The following DPYSL4 variants were observed in gnomAD, a reference collection of about 807,000 sequenced individuals.
The protein encoded by DPYSL4 is dihydropyrimidinase like 4.
In DPYSL4, 43 loss-of-function variants were observed where a neutral mutation model predicts 63.4. The ratio of observed to expected loss-of-function variants is 0.68; its 90% CI spans 0.53 to 0.88. The LOEUF (loss-of-function observed/expected upper bound fraction) is 0.88, where lower values mean the gene tolerates loss of function less well. Ranked by LOEUF, DPYSL4 falls within the 40% of genes least tolerant of loss-of-function variation. DPYSL4 has a pLI of 0.00. For missense variants in DPYSL4, 733 were observed against 819.5 expected (o/e 0.89, Z 1.29); for synonymous variants, 353 against 331.7 (o/e 1.06, Z -0.70).
At chr10:132,201,406 A>G (rs997392094) in intron 10 of DPYSL4, among the ~76,000 whole-genome samples, 1 of 152,062 alleles carries the variant, frequency 6.6e-6, no homozygotes, top group Non-Finnish European at 1.5e-5. Flanking sequence ...CTGCCTTCCC[A>G]GCCTCCAGGG....
At position 132,186,994 on chromosome 10, in the gene DPYSL4, TCCCCCCGCCCGCCCGC is replaced by T. The variant is rs377006117; in HGVS notation, c.-67_-52del. On this transcript the variant is annotated 5_prime_UTR_variant, in exon 1 of 14. Transcript: ENST00000338492. Reference sequence around the variant, plus strand: ...CCACGCACGCGTCCCGGCTCACGCGTCCCCCCGCCCGCCCGCCCGCCCGCCCGCCCCCGCTTGTGCC... The same window carrying T: ...CCACGCACGCGTCCCGGCTCACGCGTCCGCCCGCCCGCCCCCGCTTGTGCC... 0.13 allele frequency: 28,503 copies of T among 218,870 alleles called. 4,864 individuals are homozygous for T. The highest frequency in any genetic ancestry group is 0.6 in the East Asian group (9,118 of 15,290). The allele number at this position is 218,870 out of a possible 1,614,324, so 13.6% of individuals were successfully genotyped here.
Position 132,203,560 on chromosome 10 carries a change from C to T in DPYSL4, c.1462-202C>T. The T allele has an allele frequency of 1.0e-5, 6 of 587,050 alleles. No individual in the cohort carries two copies. In the Admixed American group the frequency reaches 1.2e-4, roughly 12 times the overall value. The allele number at this position is 587,050 out of a possible 1,614,324, so 36.4% of individuals were successfully genotyped here. A position where few individuals can be genotyped will look rare whatever the true frequency, so the allele number is the denominator to read the frequency against. Reference sequence around the variant, plus strand: ...GGGCATTATACACGTATGGGGAGGACTGCAAGGAGGGAGGCGTGTGTGAAC... The same window carrying T: ...GGGCATTATACACGTATGGGGAGGATTGCAAGGAGGGAGGCGTGTGTGAAC... On this transcript the variant is annotated intron_variant, in intron 12 of 13. Coordinates refer to ENST00000338492, the MANE Select transcript of DPYSL4 (RefSeq NM_006426.3).
rs183566784 is a variant in DPYSL4, at chr10:132,195,527, T to C, written c.478+518T>C. ...TCCTAATCTGAGTCCGGCCCACAGC[T>C]TCCAGCCTGGAGGTGGGGGCGGGAT... On this transcript the variant is annotated intron_variant, in intron 4 of 13. Transcript: ENST00000338492. Among the ~76,000 whole-genome samples the C allele has an allele frequency of 2.6e-5, 4 of 152,308 alleles. No individual in the cohort carries two copies. The East Asian group carries it at 7.7e-4, about 29-fold the overall frequency.
Position 132,197,030 on chromosome 10 carries a change from A to G in DPYSL4, c.550A>G (p.Ile184Val). The part of the protein sequence containing the change: ...CQCSDSQMYE[I>V]FSIIRDLGAL... ...CCACTTCTCTTCCCAGATGTACGAG[A>G]TCTTCAGCATCATCCGGGACCTGGG... The change falls in exon 6 of 14, where the codon ATC becomes GTC. Residue 184 changes from isoleucine (I) to valine (V), a missense_variant. Physicochemically the swap from Ile to Val is conservative, Grantham distance 29. Transcript: ENST00000338492. The G allele has an allele frequency of 6.2e-7, 1 of 1,604,400 alleles. No homozygotes were observed. Among genetic ancestry groups the G allele is most frequent in the South Asian group, 1.1e-5 (1 of 90,350 alleles).
rs1304489463 is a variant in DPYSL4 at position 132,186,994 on chromosome 10, T to TCCGGCCCCCCCCCCCC, written c.-68_-67insGGCCCCCCCCCCCCCC. On this transcript the variant is annotated 5_prime_UTR_variant, in exon 1 of 14. Transcript: ENST00000338492. ...CCACGCACGCGTCCCGGCTCACGCGTCCCCCCGCCCGCCCGCCCGCCCGCC... is the reference window on the plus strand; with the variant it reads ...CCACGCACGCGTCCCGGCTCACGCGTCCGGCCCCCCCCCCCCCCCCCCGCCCGCCCGCCCGCCCGCC... 9 of 218,992 alleles carry TCCGGCCCCCCCCCCCC rather than the reference T, an allele frequency of 4.1e-5. No homozygotes were observed. The highest frequency in any genetic ancestry group is 3.0e-4 in the South Asian group (4 of 13,470). 13.6% of individuals were successfully genotyped at this position (218,992 alleles called of 1,614,324 possible). A position where few individuals can be genotyped will look rare whatever the true frequency, so the allele number is the denominator to read the frequency against.
Position 132,187,000 on chromosome 10 carries a change from C to CCCGGGGGGGGGG in DPYSL4, c.-64_-63insCCGGGGGGGGGG. On this transcript the variant is annotated 5_prime_UTR_variant, in exon 1 of 14. Transcript: ENST00000338492. ...ACGCGTCCCGGCTCACGCGTCCCCCCGCCCGCCCGCCCGCCCGCCCGCCCC... is the reference window on the plus strand; with the variant it reads ...ACGCGTCCCGGCTCACGCGTCCCCCCCCGGGGGGGGGGGCCCGCCCGCCCGCCCGCCCGCCCC... 7.2e-4 allele frequency: 8 copies of CCCGGGGGGGGGG among 11,120 alleles called. No homozygotes were observed. The highest frequency in any genetic ancestry group is 1.4e-3 in the Non-Finnish European group (8 of 5,642). The allele number at this position is 11,120 out of a possible 1,614,324, so 0.7% of individuals were successfully genotyped here.
At position 132,187,063 on chromosome 10, in the gene DPYSL4, G is replaced by A. The variant is rs1352115553; in HGVS notation, c.-1G>A. The A allele has an allele frequency of 1.6e-6, 2 of 1,287,092 alleles. No homozygotes were observed. The highest frequency in any genetic ancestry group is 1.0e-6 in the Non-Finnish European group (1 of 987,016). The allele number at this position is 1,287,092 out of a possible 1,614,324, so 79.7% of individuals were successfully genotyped here. ...CCCTACCAGAGACCCCCAGGAGCAG[G>A]ATGTCCTTCCAGGGCAAGAAAAGCA... On this transcript the variant is annotated 5_prime_UTR_variant, in exon 1 of 14. Transcript: ENST00000338492.
chr10:132,193,166 AG>A (rs1327737971), intron 3 of DPYSL4, among the ~76,000 whole-genome samples: 1 of 152,076 alleles, frequency 6.6e-6, no homozygotes, highest in East Asian at 1.9e-4. Flanking sequence ...GGGCGAGGGG[AG>A]GGGTCATGCT....
Position 132,187,018 on chromosome 10 carries a change from C to A in DPYSL4, c.-46C>A. The stretch of plus-strand genomic sequence containing the variant: ...GTCCCCCCGCCCGCCCGCCCGCCCG[C>A]CCGCCCCCGCTTGTGCCGCCCCTAC... On this transcript the variant is annotated 5_prime_UTR_variant, in exon 1 of 14. Coordinates refer to ENST00000338492, the MANE Select transcript of DPYSL4 (RefSeq NM_006426.3). 7.1e-6 allele frequency: 2 copies of A among 283,350 alleles called. No homozygotes were observed. The highest frequency in any genetic ancestry group is 6.0e-6 in the Non-Finnish European group (1 of 166,254). The allele number at this position is 283,350 out of a possible 1,614,324, so 17.6% of individuals were successfully genotyped here. A position where few individuals can be genotyped will look rare whatever the true frequency, so the allele number is the denominator to read the frequency against.
chr10:132,198,620 C>A, intron 7 of DPYSL4, 137 bp downstream of exon 7: 1 of 1,064,960 alleles, frequency 9.4e-7, no homozygotes. Flanking sequence ...AGGCGTGAAT[C>A]CTCCCCGTGC....
intron 3 of DPYSL4, among the ~76,000 whole-genome samples, chr10:132,194,582 G>A (rs1452399237): frequency 1.3e-5 from 2 of 150,574 alleles, no homozygotes; most frequent in Admixed American, 6.6e-5. Context: ...GATGGTTTGG[G>A]GTGGGGCTTT....
chr10:132,196,372 C>A (rs1021179719), intron 4 of DPYSL4, among the ~76,000 whole-genome samples: 4 of 152,218 alleles, frequency 2.6e-5, no homozygotes, highest in Non-Finnish European at 5.9e-5. Flanking sequence ...CTGGGTGGTC[C>A]CACAAGCCTG....
At position 132,202,710 on chromosome 10, in the gene DPYSL4, A is replaced by G; in HGVS notation, c.1346A>G (p.Gln449Arg). ...CRGAPAVVIS[Q>R]GRVALEDGKM... ...GGAGCGCCTGCCGTGGTCATAAGTC[A>G]GGGCCGAGTGGCGCTGGAGGACGGG... The change falls in exon 12 of 14, where the codon CAG becomes CGG. Residue 449 changes from glutamine to arginine, a missense_variant. Gln to Arg is a conservative substitution (Grantham distance 43). Transcript: ENST00000338492. The G allele has an allele frequency of 6.2e-7, 1 of 1,613,468 alleles. No homozygotes were observed.
chr10:132,201,740 C>T (rs549205655), intron 10 of DPYSL4, among the ~76,000 whole-genome samples: 2 of 152,180 alleles, frequency 1.3e-5, no homozygotes, highest in East Asian at 1.9e-4. Flanking sequence ...TTGTGGGGTC[C>T]CAGCGGTCCA....
chr10:132,188,873 A>G (rs2061837090), intron 1 of DPYSL4, among the ~76,000 whole-genome samples: 1 of 152,218 alleles, frequency 6.6e-6, no homozygotes. Context: ...CTAGGGCTGT[A>G]TGAAGAGAGG....
rs527293367 is a variant in DPYSL4 at position 132,196,708 on chromosome 10, G to A, written c.479-153G>A. Among the ~76,000 whole-genome samples the A allele has an allele frequency of 9.2e-5, 14 of 152,320 alleles. No homozygotes were observed. The South Asian group carries it at 1.9e-3, about 20-fold the overall frequency. ...AGCTTGCTGGTGTGTGCATGGAAGC[G>A]GGGGACTGCTCCCAGGGCTGGCAAG... On this transcript the variant is annotated intron_variant, in intron 4 of 13. Transcript: ENST00000338492.
At chr10:132,203,541 T>C in intron 12 of DPYSL4, 1 of 557,678 alleles carries the variant, frequency 1.8e-6, no homozygotes, top group South Asian at 2.5e-5. Flanking sequence ...AGGCGGGCAT[T>C]ATACACGTAT....
intron 2 of DPYSL4, among the ~76,000 whole-genome samples, chr10:132,192,096 G>A (rs544233360): frequency 2.0e-5 from 3 of 152,240 alleles, no homozygotes; most frequent in Admixed American, 6.5e-5. Flanking sequence ...CACTGGTCAC[G>A]TGGTATCCAG....
rs2062077859 is a variant in DPYSL4 at position 132,205,012 on chromosome 10, A to AT, written c.*86dup. 3.1e-5 allele frequency: 36 copies of AT among 1,167,926 alleles called. 1 individual carries two copies. The South Asian group carries it at 4.1e-4, about 13-fold the overall frequency. 72.3% of individuals were successfully genotyped at this position (1,167,926 alleles called of 1,614,324 possible). On this transcript the variant is annotated 3_prime_UTR_variant, in exon 14 of 14. Coordinates refer to ENST00000338492, the MANE Select transcript of DPYSL4 (RefSeq NM_006426.3). Reference sequence around the variant, plus strand: ...CAGGGCACTCGCCCCCCTCCTTAGCATTTTCTTTTGTAGAAGTTTCTCGAA... The same window carrying AT: ...CAGGGCACTCGCCCCCCTCCTTAGCATTTTTCTTTTGTAGAAGTTTCTCGAA...
Sources: allele counts gnomAD v4.1 joint callset (sites outside exome capture counted in the v4.1 genomes callset), GRCh38; gene constraint gnomAD v4.1.1; transcripts MANE v1.5; gene names NCBI Gene and HGNC (gene_info 2026-07-23, HGNC 2026-07-21).